Variants in CDH13 observed in about 807,000 individuals in gnomAD.
The protein encoded by CDH13 is cadherin-13.
CDH13 carries 24 observed loss-of-function variants against 63.8 expected under a neutral mutation model. That is an observed-to-expected ratio of 0.38 (90% CI 0.27 to 0.53). The LOEUF is 0.53. CDH13 is among the 20% of genes least tolerant of loss of function. The pLI, the probability that CDH13 is intolerant of heterozygous loss-of-function variation, is 0.85. For missense variants in CDH13, 1,049 were observed against 903.1 expected (o/e 1.16, Z -2.07); for synonymous variants, 503 against 355.3 (o/e 1.42, Z -4.67).
intron 10 of CDH13, among the ~76,000 whole-genome samples, chr16:83,683,094 G>C (rs1223107046): frequency 6.6e-6 from 1 of 152,194 alleles, no homozygotes; most frequent in African/African-American, 2.4e-5. Context: ...AGTCAGCAAA[G>C]GGCGCCTTGA....
At chr16:83,299,217 C>A (rs951547146) in intron 5 of CDH13, among the ~76,000 whole-genome samples, 1 of 151,368 alleles carries the variant, frequency 6.6e-6, no homozygotes, top group East Asian at 1.9e-4. Context: ...GGAGAAGATA[C>A]CACAGTGTGG....
intron 1 of CDH13, among the ~76,000 whole-genome samples, chr16:82,822,123 A>C (rs117846265): frequency 5.9e-5 from 9 of 152,336 alleles, no homozygotes; most frequent in Non-Finnish European, 1.2e-4. Flanking sequence ...CCACTGAAAC[A>C]AGTGACATTA....
intron 4 of CDH13, among the ~76,000 whole-genome samples, chr16:83,131,037 A>C (rs1205459881): frequency 6.6e-6 from 1 of 152,196 alleles, no homozygotes; most frequent in Non-Finnish European, 1.5e-5. Context: ...CTGTCTGCCA[A>C]GTAATTAGTT....
At chr16:83,356,863 TA>T (rs2091067005) in intron 6 of CDH13, among the ~76,000 whole-genome samples, 1 of 152,208 alleles carries the variant, frequency 6.6e-6, no homozygotes, top group African/African-American at 2.4e-5. Context: ...GTGCATTTTT[TA>T]AAAACCAAGT....
chr16:83,402,310 C>G (rs888759427), intron 6 of CDH13, among the ~76,000 whole-genome samples: 1 of 152,140 alleles, frequency 6.6e-6, no homozygotes, highest in Non-Finnish European at 1.5e-5. Context: ...TGAGCTCATC[C>G]TCACCAATTA....
chr16:83,185,206 G>A (rs917775938), intron 4 of CDH13, among the ~76,000 whole-genome samples: 1 of 152,058 alleles, frequency 6.6e-6, no homozygotes, highest in Non-Finnish European at 1.5e-5. Context: ...CTCTTTGCTG[G>A]TCTACATTCA....
intron 7 of CDH13, among the ~76,000 whole-genome samples, chr16:83,504,027 T>C (rs765780554): frequency 2.6e-5 from 4 of 152,090 alleles, no homozygotes; most frequent in African/African-American, 9.7e-5. Context: ...ACCTAAAATA[T>C]GGGTTGATGG....
At chr16:82,847,271 T>G (rs1406663227) in intron 1 of CDH13, among the ~76,000 whole-genome samples, 1 of 152,208 alleles carries the variant, frequency 6.6e-6, no homozygotes, top group Non-Finnish European at 1.5e-5. Context: ...AACATAGTAT[T>G]GTACAGTTTT....
Position 83,234,409 on chromosome 16 carries a change from C to T in CDH13, c.636+16912C>T, listed in dbSNP as rs145866402. Reference sequence around the variant, plus strand: ...CCCAAATAACCACCTGCCCCAAGGCCCTTTTGTCCACTGGAGAGGATAGGT... The same window carrying T: ...CCCAAATAACCACCTGCCCCAAGGCTCTTTTGTCCACTGGAGAGGATAGGT... On this transcript the variant is annotated intron_variant, in intron 5 of 13. Transcript: ENST00000567109. 3.9e-3 allele frequency among the ~76,000 whole-genome samples: 590 copies of T among 152,214 alleles called. 4 individuals carry two copies. The highest frequency in any genetic ancestry group is 0.014 in the African/African-American group (564 of 41,536).
chr16:83,000,201 G>A (rs190444616), intron 2 of CDH13, among the ~76,000 whole-genome samples: 1 of 130,230 alleles, frequency 7.7e-6, no homozygotes, highest in East Asian at 2.4e-4. Context: ...CTTGTCCCTA[G>A]GAATATCCAC....
At chr16:83,473,399 T>A (rs1378927836) in intron 6 of CDH13, among the ~76,000 whole-genome samples, 1 of 152,232 alleles carries the variant, frequency 6.6e-6, no homozygotes, top group East Asian at 1.9e-4. Context: ...ACACGGAGTC[T>A]GAATTGTGTG....
rs78588792 is a variant in CDH13 at position 83,254,667 on chromosome 16, A to G, written c.636+37170A>G. Among the ~76,000 whole-genome samples, 759 of 152,214 alleles carry G rather than the reference A, an allele frequency of 5.0e-3. 5 individuals are homozygous for G. The highest frequency in any genetic ancestry group is 0.016 in the African/African-American group (668 of 41,540). ...GCCACCGCAAATCCAGTATGGATTG[A>G]TGTGGGGTATAAATAAATTTTTAAA... is the stretch of plus-strand genomic sequence containing the variant. On this transcript the variant is annotated intron_variant, in intron 5 of 13. Coordinates refer to ENST00000567109, the MANE Select transcript of CDH13 (RefSeq NM_001257.5).
At chr16:82,803,006 C>G (rs933804544) in intron 1 of CDH13, among the ~76,000 whole-genome samples, 1 of 152,162 alleles carries the variant, frequency 6.6e-6, no homozygotes, top group Non-Finnish European at 1.5e-5. Context: ...CAACCCTGTT[C>G]GGTTTTCTTC....
At chr16:83,591,156 G>A (rs568431417) in intron 7 of CDH13, among the ~76,000 whole-genome samples, 10 of 152,104 alleles carry the variant, frequency 6.6e-5, no homozygotes, top group African/African-American at 2.4e-4. Flanking sequence ...TGATCCACCT[G>A]CCTCTTCCTC....
At chr16:82,649,932 T>C (rs907393372) in intron 1 of CDH13, among the ~76,000 whole-genome samples, 1 of 152,210 alleles carries the variant, frequency 6.6e-6, no homozygotes, top group Non-Finnish European at 1.5e-5. Flanking sequence ...TGTAACATGC[T>C]TAAGACAGTG....
chr16:83,435,698 G>A (rs1276808502), intron 6 of CDH13, among the ~76,000 whole-genome samples: 1 of 152,170 alleles, frequency 6.6e-6, no homozygotes, highest in Non-Finnish European at 1.5e-5. Flanking sequence ...TCCAGCTTCA[G>A]CTCAGCTGTC....
At chr16:82,802,371 T>G (rs962606456) in intron 1 of CDH13, among the ~76,000 whole-genome samples, 4 of 152,170 alleles carry the variant, frequency 2.6e-5, no homozygotes, top group African/African-American at 9.7e-5. Flanking sequence ...TTTCTCAGCT[T>G]TACAGAATGC....
intron 6 of CDH13, among the ~76,000 whole-genome samples, chr16:83,456,391 C>A (rs2073026011): frequency 6.6e-6 from 1 of 152,178 alleles, no homozygotes; most frequent in Admixed American, 6.5e-5. Flanking sequence ...TGGTCCCGGG[C>A]TTTGGAAAAA....
chr16:82,878,236 C>A (rs982848307), intron 2 of CDH13, among the ~76,000 whole-genome samples: 4 of 151,884 alleles, frequency 2.6e-5, no homozygotes, highest in African/African-American at 9.7e-5. Context: ...CTGAAATCTG[C>A]AGTTATCTCT....
Sources: gnomAD v4.1 joint callset for allele counts (sites outside exome capture counted in the v4.1 genomes callset) on GRCh38, gnomAD v4.1.1 for gene constraint, MANE v1.5 for transcripts, NCBI Gene and HGNC (gene_info 2026-07-23, HGNC 2026-07-21) for gene names.